The following TSPAN9 variants were observed in gnomAD, a reference collection of about 807,000 sequenced individuals.
The protein encoded by TSPAN9 is tetraspanin-9.
A neutral mutation model predicts 31.0 loss-of-function variants in TSPAN9; 16 were observed. That is an observed-to-expected ratio of 0.52 (90% CI 0.35 to 0.78). TSPAN9 has a LOEUF of 0.78. Ranked by LOEUF, TSPAN9 falls within the 30% of genes least tolerant of loss-of-function variation. The pLI, the probability that TSPAN9 is intolerant of heterozygous loss-of-function variation, is 0.01. For missense variants in TSPAN9, 272 were observed against 312.5 expected (o/e 0.87, Z 0.98); for synonymous variants, 145 against 121.6 (o/e 1.19, Z -1.27).
intron 3 of TSPAN9, among the ~76,000 whole-genome samples, chr12:3,208,235 A>T (rs538984456): frequency 6.6e-6 from 1 of 152,174 alleles, no homozygotes; most frequent in East Asian, 1.9e-4. Context: ...CCCTGGGAGG[A>T]TCCCCAAGTG....
chr12:3,266,929 C>T (rs764467766), intron 3 of TSPAN9, among the ~76,000 whole-genome samples: 26 of 152,162 alleles, frequency 1.7e-4, no homozygotes, highest in Non-Finnish European at 1.5e-4. Flanking sequence ...ACCTGGTTGT[C>T]AGGCAGTCTT....
Position 3,188,258 on chromosome 12 carries a change from G to C in TSPAN9, c.-17-12919G>C, listed in dbSNP as rs148137584. Among the ~76,000 whole-genome samples, 8 of 152,118 alleles carry C rather than the reference G, an allele frequency of 5.3e-5. No homozygotes were observed. In the East Asian group the frequency reaches 1.2e-3, roughly 22 times the overall value. Reference sequence around the variant, plus strand: ...TTCATTCATTCATTCATTCATTCAAGACATGTGTCCTGCACTCAGGGAGCT... The same window carrying C: ...TTCATTCATTCATTCATTCATTCAACACATGTGTCCTGCACTCAGGGAGCT... On this transcript the variant is annotated intron_variant, in intron 2 of 8. Coordinates refer to ENST00000011898, the MANE Select transcript of TSPAN9 (RefSeq NM_006675.5).
intron 3 of TSPAN9, among the ~76,000 whole-genome samples, chr12:3,272,636 C>G (rs1053678597): frequency 6.6e-6 from 1 of 151,988 alleles, no homozygotes; most frequent in Non-Finnish European, 1.5e-5. Context: ...TGCTGTGGGC[C>G]CGGCGCTGGC....
chr12:3,078,833 T>G (rs769424889), intron 1 of TSPAN9, among the ~76,000 whole-genome samples: 70 of 152,230 alleles, frequency 4.6e-4, no homozygotes, highest in Admixed American at 2.0e-3. Context: ...CTGGCAGAGC[T>G]TTTTAAACCT....
chr12:3,084,548 A>G (rs763442358), intron 2 of TSPAN9, among the ~76,000 whole-genome samples: 11 of 152,158 alleles, frequency 7.2e-5, no homozygotes, highest in Non-Finnish European at 1.3e-4. Flanking sequence ...TGGTGTCCCA[A>G]GAGTGGCCAG....
chr12:3,135,255 T>C (rs547977823), intron 2 of TSPAN9, among the ~76,000 whole-genome samples: 2 of 152,266 alleles, frequency 1.3e-5, no homozygotes, highest in East Asian at 3.9e-4. Flanking sequence ...GGCTAAATTT[T>C]AAATTTGATT....
intron 3 of TSPAN9, among the ~76,000 whole-genome samples, chr12:3,254,200 C>T (rs1862304970): frequency 6.6e-6 from 1 of 152,240 alleles, no homozygotes; most frequent in Non-Finnish European, 1.5e-5. Flanking sequence ...GGCAGGGGCC[C>T]ATGCCTCTGT....
intron 2 of TSPAN9, among the ~76,000 whole-genome samples, chr12:3,120,482 C>T (rs761488946): frequency 6.6e-6 from 1 of 152,220 alleles, no homozygotes; most frequent in African/African-American, 2.4e-5. Flanking sequence ...CTCTCTCTTC[C>T]CCAGCTGTGC....
chr12:3,141,570 G>A (rs1232002463), intron 2 of TSPAN9, among the ~76,000 whole-genome samples: 3 of 152,020 alleles, frequency 2.0e-5, no homozygotes, highest in Admixed American at 6.5e-5. Flanking sequence ...CCCTCATTCC[G>A]TGCCCTCATT....
At chr12:3,253,655 C>T (rs1372309412) in intron 3 of TSPAN9, among the ~76,000 whole-genome samples, 1 of 152,242 alleles carries the variant, frequency 6.6e-6, no homozygotes, top group African/African-American at 2.4e-5. Flanking sequence ...GTAGAAATGG[C>T]AATCTTCATT....
At chr12:3,174,250 A>G (rs918500879) in intron 2 of TSPAN9, among the ~76,000 whole-genome samples, 1 of 151,940 alleles carries the variant, frequency 6.6e-6, no homozygotes, top group Non-Finnish European at 1.5e-5. Context: ...TAGTTTTTGT[A>G]CAGACAGAGT....
intron 3 of TSPAN9, among the ~76,000 whole-genome samples, chr12:3,229,207 TG>T (rs1348997058): frequency 1.3e-5 from 2 of 152,098 alleles, no homozygotes; most frequent in African/African-American, 2.4e-5. Flanking sequence ...GGACAGGGGT[TG>T]GGGGGTTGGT....
At chr12:3,079,762 CCTT>C (rs1469029683) in intron 1 of TSPAN9, among the ~76,000 whole-genome samples, 6 of 143,756 alleles carry the variant, frequency 4.2e-5, no homozygotes, top group Admixed American at 2.8e-4. Context: ...GTACTTAGCC[CCTT>C]CTTCTATTTT....
rs1255638720 is a variant in TSPAN9 at position 3,186,009 on chromosome 12, T to TGTAG, written c.-17-15166_-17-15163dup. ...CCTCGGTACTGCCCAGGGTTAGCCA[T>TGTAG]GTAGGGTCCCATTAGAGGCTAAATG... On this transcript the variant is annotated intron_variant, in intron 2 of 8. Coordinates refer to ENST00000011898, the MANE Select transcript of TSPAN9 (RefSeq NM_006675.5). 9.2e-5 allele frequency among the ~76,000 whole-genome samples: 14 copies of TGTAG among 152,254 alleles called. No homozygotes were observed. The East Asian group carries it at 2.5e-3, about 27-fold the overall frequency.
At chr12:3,241,304 A>G (rs1385859007) in intron 3 of TSPAN9, among the ~76,000 whole-genome samples, 1 of 152,222 alleles carries the variant, frequency 6.6e-6, no homozygotes, top group Non-Finnish European at 1.5e-5. Flanking sequence ...GAACGATTAA[A>G]TGATAGGGGG....
intron 2 of TSPAN9, among the ~76,000 whole-genome samples, chr12:3,133,388 A>ATT (rs35623236): frequency 1.2e-3 from 185 of 151,372 alleles, no homozygotes; most frequent in African/African-American, 3.9e-3. Context: ...TTATTATATA[A>ATT]TTTTTTTTTG....
intron 3 of TSPAN9, among the ~76,000 whole-genome samples, chr12:3,278,042 C>T (rs1022847288): frequency 4.6e-5 from 7 of 152,230 alleles, no homozygotes; most frequent in South Asian, 2.1e-4. Context: ...ACCAGGCCTC[C>T]GTCTTGGACA....
intron 3 of TSPAN9, among the ~76,000 whole-genome samples, chr12:3,249,390 C>G (rs2153977959): frequency 6.6e-6 from 1 of 152,346 alleles, no homozygotes; most frequent in African/African-American, 2.4e-5. Flanking sequence ...AGATCAATTA[C>G]CCGTGCTCAT....
chr12:3,141,733 C>T (rs962329103), intron 2 of TSPAN9, among the ~76,000 whole-genome samples: 2 of 152,144 alleles, frequency 1.3e-5, no homozygotes, highest in Non-Finnish European at 2.9e-5. Context: ...AATGCAAGGC[C>T]GCTGGTCTAA....
Sources: allele counts gnomAD v4.1 joint callset (sites outside exome capture counted in the v4.1 genomes callset), GRCh38; gene constraint gnomAD v4.1.1; transcripts MANE v1.5; gene names NCBI Gene and HGNC (gene_info 2026-07-23, HGNC 2026-07-21).